Variants in CEP63 observed in about 807,000 individuals in gnomAD.
The protein encoded by CEP63 is centrosomal protein of 63 kDa.
A neutral mutation model predicts 89.1 loss-of-function variants in CEP63; 84 were observed. The observed-to-expected ratio is 0.94, with a 90% CI of 0.79 to 1.13. CEP63 has a LOEUF of 1.13. CEP63 is among the 50% of genes most tolerant of loss of function. CEP63 has a pLI of 0.00. For missense variants in CEP63, 838 were observed against 813.3 expected, an observed-to-expected ratio of 1.03 and a Z score of -0.37; for synonymous variants, 267 against 272.5, an observed-to-expected ratio of 0.98 and a Z score of 0.20.
chr3:134,610,192 T>C, the CEP63 span: 90 of 1,611,230 alleles, frequency 5.6e-5, no homozygotes, highest in Non-Finnish European at 7.1e-5. Context: ...GACAAGTACT[T>C]ACAGGAAGGT....
At chr3:134,534,446 C>T (rs1456221841) in intron 5 of CEP63, among the ~76,000 whole-genome samples, 3 of 152,180 alleles carry the variant, frequency 2.0e-5, no homozygotes, top group South Asian at 4.1e-4. Flanking sequence ...TCCTTTGACT[C>T]TCAGTAATCA....
chr3:134,730,555 A>G, the CEP63 span, among the ~76,000 whole-genome samples: 2 of 152,216 alleles, frequency 1.3e-5, no homozygotes, highest in East Asian at 3.8e-4. Context: ...ACAAGTATTT[A>G]TCAAAACATT....
At chr3:134,773,502 T>G in the CEP63 span, among the ~76,000 whole-genome samples, 1 of 152,298 alleles carries the variant, frequency 6.6e-6, no homozygotes, top group South Asian at 2.1e-4. Flanking sequence ...AAAATTCAAG[T>G]GCACCCTGCT....
intron 14 of CEP63, among the ~76,000 whole-genome samples, chr3:134,561,031 A>G: frequency 6.6e-6 from 1 of 152,232 alleles, no homozygotes; most frequent in East Asian, 1.9e-4. Context: ...GCTTTAAAAT[A>G]AAAGTGACAT....
chr3:134,627,704 G>T, the CEP63 span: 2 of 1,524,900 alleles, frequency 1.3e-6, no homozygotes, highest in Non-Finnish European at 1.8e-6. Flanking sequence ...AGTCTATGAG[G>T]CTAAACCCAT....
intron 3 of CEP63, among the ~76,000 whole-genome samples, chr3:134,509,434 A>G (rs986981829): frequency 2.0e-5 from 3 of 152,184 alleles, no homozygotes; most frequent in Non-Finnish European, 2.9e-5. Context: ...TCCACATGAG[A>G]TTTGAGCAGG....
At chr3:134,598,469 G>C in the CEP63 span, among the ~76,000 whole-genome samples, 1 of 152,216 alleles carries the variant, frequency 6.6e-6, no homozygotes, top group Non-Finnish European at 1.5e-5. Context: ...TGGAAACCTT[G>C]TCTTAACAAC....
chr3:134,773,286 C>A, the CEP63 span, among the ~76,000 whole-genome samples: 1 of 152,194 alleles, frequency 6.6e-6, no homozygotes, highest in Non-Finnish European at 1.5e-5. Flanking sequence ...TATGGGTGGG[C>A]ACTATCTTGG....
chr3:134,730,435 T>C, the CEP63 span, among the ~76,000 whole-genome samples: 1 of 152,202 alleles, frequency 6.6e-6, no homozygotes, highest in East Asian at 1.9e-4. Context: ...TATTATTTAT[T>C]TGTTCATCTA....
chr3:134,588,418 T>A (rs190760608), downstream of CEP63, among the ~76,000 whole-genome samples: 20 of 152,266 alleles, frequency 1.3e-4, no homozygotes, highest in African/African-American at 4.8e-4. Flanking sequence ...AGAAATACAT[T>A]TTAGATGGTA....
chr3:134,777,517 G>A, the CEP63 span, among the ~76,000 whole-genome samples: 1 of 151,232 alleles, frequency 6.6e-6, no homozygotes, highest in South Asian at 2.1e-4. Flanking sequence ...TTTAAAACTC[G>A]AGAATTTGCT....
the CEP63 span, among the ~76,000 whole-genome samples, chr3:134,692,072 A>G: frequency 4.0e-5 from 6 of 151,834 alleles, no homozygotes; most frequent in Non-Finnish European, 7.4e-5. Flanking sequence ...CCTTTTTCTA[A>G]CAGAATAGAA....
the CEP63 span, among the ~76,000 whole-genome samples, chr3:134,717,761 T>A: frequency 6.6e-6 from 1 of 152,212 alleles, no homozygotes; most frequent in Non-Finnish European, 1.5e-5. Flanking sequence ...AGAGCAAGAA[T>A]GAAGACCATA....
downstream of CEP63, among the ~76,000 whole-genome samples, chr3:134,577,968 C>A (rs1189920573): frequency 6.6e-6 from 1 of 152,160 alleles, no homozygotes; most frequent in Non-Finnish European, 1.5e-5. Context: ...CTTTTCATGG[C>A]TGCATAGTAT....
At chr3:134,501,207 T>C (rs1941896657) in intron 2 of CEP63, among the ~76,000 whole-genome samples, 1 of 152,230 alleles carries the variant, frequency 6.6e-6, no homozygotes, top group African/African-American at 2.4e-5. Context: ...TGTCCATTTT[T>C]GTACCAGTAT....
At position 134,550,123 on chromosome 3, in the gene CEP63, A is replaced by G. The variant is rs781237566; in HGVS notation, c.1243A>G (p.Met415Val). ...SYSSALEGMKMEISHLTQELH... is the reference protein window; with the variant it reads ...SYSSALEGMKVEISHLTQELH... The stretch of plus-strand genomic sequence containing the variant: ...CAGTTCTGCACTAGAAGGAATGAAG[A>G]TGGAAATCTCCCATCTAACTCAGGA... Residue 415 changes from methionine (M) to valine (V), a missense_variant, in exon 11 of 15, where the codon ATG becomes GTG. Transcript: ENST00000675561. The G allele has an allele frequency of 3.7e-6, 6 of 1,613,934 alleles. No homozygotes were observed. The highest frequency in any genetic ancestry group is 4.2e-6 in the Non-Finnish European group (5 of 1,179,838).
intron 10 of CEP63, among the ~76,000 whole-genome samples, chr3:134,585,275 A>G: frequency 6.6e-6 from 1 of 151,556 alleles, no homozygotes; most frequent in East Asian, 1.9e-4. Flanking sequence ...TTTAATTGTG[A>G]TGTTAGGGTG....
the CEP63 span, among the ~76,000 whole-genome samples, chr3:134,735,299 T>G: frequency 6.6e-6 from 1 of 152,264 alleles, no homozygotes; most frequent in East Asian, 1.9e-4. Flanking sequence ...TTGGATGTAC[T>G]ATATTGTTGA....
chr3:134,594,487 TC>T, the CEP63 span, among the ~76,000 whole-genome samples: 142 of 152,026 alleles, frequency 9.3e-4, no homozygotes, highest in Non-Finnish European at 1.6e-3. Flanking sequence ...GCGGGCGGAT[TC>T]CCCCGAGAAG....
Sources: gnomAD v4.1 joint callset for allele counts (sites outside exome capture counted in the v4.1 genomes callset) on GRCh38, gnomAD v4.1.1 for gene constraint, MANE v1.5 for transcripts, NCBI Gene and HGNC (gene_info 2026-07-23, HGNC 2026-07-21) for gene names.